CNTN4: variants seen among roughly 807,000 people sequenced by gnomAD.
CNTN4 encodes contactin-4.
A neutral mutation model predicts 122.5 loss-of-function variants in CNTN4; 77 were observed. The observed-to-expected ratio is 0.63, with a 90% CI of 0.52 to 0.76. The LOEUF (loss-of-function observed/expected upper bound fraction) is 0.76. Among genes scored for constraint, CNTN4 ranks in the 30% least tolerant of loss-of-function variants. The probability of loss-of-function intolerance (pLI) is 0.00; values close to 1 mark genes in which losing one functional copy is unlikely to be tolerated. For missense variants in CNTN4, 1,256 were observed against 1,259.1 expected (o/e 1.00, Z 0.04); for synonymous variants, 512 against 447.0 (o/e 1.15, Z -1.83).
intron 6 of CNTN4, among the ~76,000 whole-genome samples, chr3:2,756,035 G>T (rs1037092707): frequency 6.6e-6 from 1 of 152,130 alleles, no homozygotes; most frequent in African/African-American, 2.4e-5. Flanking sequence ...GGAAAAGGGA[G>T]ACCACTTTCT....
intron 3 of CNTN4, among the ~76,000 whole-genome samples, chr3:2,379,494 T>C (rs561577431): frequency 1.3e-5 from 2 of 152,332 alleles, no homozygotes; most frequent in South Asian, 4.1e-4. Flanking sequence ...ATGAAGATAT[T>C]GCATCCGGAG....
rs2046191917 is a variant in CNTN4, at chr3:2,385,002, T to C, written c.-89+45769T>C. Among the ~76,000 whole-genome samples, 1 of 152,184 alleles carries C rather than the reference T, an allele frequency of 6.6e-6. No individual in the cohort carries two copies. On this transcript the variant is annotated intron_variant, in intron 3 of 24. Transcript: ENST00000418658. The surrounding 1 kb of genome is among the most constrained non-coding windows in gnomAD (Gnocchi z 4.0). ...GAAAGTCATTGTTGGTTTTACTGCC[T>C]CCATTCAGATCCTCCTTTTCTCTCT...
chr3:2,326,071 C>A (rs1261822688), intron 2 of CNTN4, among the ~76,000 whole-genome samples: 2 of 152,094 alleles, frequency 1.3e-5, no homozygotes, highest in African/African-American at 2.4e-5. Flanking sequence ...CTGGGTATTT[C>A]TGTGAGGATG....
intron 6 of CNTN4, among the ~76,000 whole-genome samples, chr3:2,778,170 C>T (rs6797480): frequency 5.0e-5 from 7 of 140,248 alleles, no homozygotes; most frequent in South Asian, 2.5e-4. Context: ...GCCGAGATCG[C>T]GCCACTGCAC....
At chr3:2,330,103 G>A (rs2043656158) in intron 2 of CNTN4, among the ~76,000 whole-genome samples, 1 of 152,176 alleles carries the variant, frequency 6.6e-6, no homozygotes, top group Non-Finnish European at 1.5e-5. Flanking sequence ...AGATTCCCAT[G>A]ACCGCCTCCT....
At chr3:2,537,354 A>G (rs1022258331) in intron 3 of CNTN4, among the ~76,000 whole-genome samples, 2 of 152,078 alleles carry the variant, frequency 1.3e-5, no homozygotes, top group African/African-American at 4.8e-5. Flanking sequence ...ATAACTGAAT[A>G]TAGACTCCAA....
chr3:2,626,333 A>C (rs1033851917), intron 4 of CNTN4, among the ~76,000 whole-genome samples: 2 of 152,058 alleles, frequency 1.3e-5, no homozygotes, highest in Admixed American at 1.3e-4. Flanking sequence ...CTCTACTAAA[A>C]ATACGAAAAA....
chr3:2,706,043 CACAA>C (rs1266233529), intron 4 of CNTN4, among the ~76,000 whole-genome samples: 4 of 141,632 alleles, frequency 2.8e-5, no homozygotes, highest in Middle Eastern at 4.4e-3. Flanking sequence ...TAGATAGACA[CACAA>C]ACATATATAT....
At chr3:2,306,027 A>T (rs367766358) in intron 2 of CNTN4, among the ~76,000 whole-genome samples, 1 of 152,190 alleles carries the variant, frequency 6.6e-6, no homozygotes, top group African/African-American at 2.4e-5. Context: ...TTGTTTATTC[A>T]TTCATCATTT....
At chr3:2,677,195 C>A (rs1417529542) in intron 4 of CNTN4, among the ~76,000 whole-genome samples, 4 of 146,182 alleles carry the variant, frequency 2.7e-5, no homozygotes, top group African/African-American at 1.0e-4. Context: ...ATAGATATAT[C>A]TCTCTCTATA....
At chr3:2,495,560 A>G (rs1395067458) in intron 3 of CNTN4, among the ~76,000 whole-genome samples, 2 of 152,216 alleles carry the variant, frequency 1.3e-5, no homozygotes, top group African/African-American at 4.8e-5. Flanking sequence ...GCTGCACAGC[A>G]GGAGATGAGC....
chr3:2,249,923 T>C (rs1032877204), intron 2 of CNTN4, among the ~76,000 whole-genome samples: 4 of 151,878 alleles, frequency 2.6e-5, no homozygotes, highest in Non-Finnish European at 5.9e-5. Context: ...TTTGAATACT[T>C]TTCATTTCCT....
chr3:2,663,421 T>C (rs561964279), intron 4 of CNTN4, among the ~76,000 whole-genome samples: 1 of 152,170 alleles, frequency 6.6e-6, no homozygotes, highest in Non-Finnish European at 1.5e-5. Context: ...TTCCTGGGCA[T>C]GTCTGGCTAG....
intron 3 of CNTN4, chr3:2,362,621 G>T (rs1302767911): frequency 2.1e-6 from 1 of 475,150 alleles, no homozygotes; most frequent in Middle Eastern, 3.8e-4. Flanking sequence ...AGATAGCAAG[G>T]GCTGAGGGCC....
intron 4 of CNTN4, among the ~76,000 whole-genome samples, chr3:2,595,413 G>A (rs2080722000): frequency 6.6e-6 from 1 of 152,162 alleles, no homozygotes; most frequent in South Asian, 2.1e-4. Context: ...ATTTACATAT[G>A]TCAAGATTTA....
intron 6 of CNTN4, among the ~76,000 whole-genome samples, chr3:2,808,520 T>A (rs2150120820): frequency 6.6e-6 from 1 of 152,160 alleles, no homozygotes; most frequent in Admixed American, 6.6e-5. Context: ...AGTTATAAAA[T>A]TATCACACTA....
chr3:2,362,467 G>T (rs905100953), intron 3 of CNTN4: 5 of 456,992 alleles, frequency 1.1e-5, no homozygotes, highest in Admixed American at 5.4e-5. Context: ...CCTATATGAG[G>T]ACTAGCAGTG....
chr3:2,371,415 C>G (rs1258095275), intron 3 of CNTN4, among the ~76,000 whole-genome samples: 2 of 151,878 alleles, frequency 1.3e-5, no homozygotes, highest in Non-Finnish European at 2.9e-5. Context: ...AATGCTCTGG[C>G]TAACTTTTGC....
At chr3:2,965,552 G>A (rs935191052) in intron 13 of CNTN4, among the ~76,000 whole-genome samples, 8 of 152,188 alleles carry the variant, frequency 5.3e-5, no homozygotes, top group African/African-American at 1.9e-4. Context: ...GACAGCATGT[G>A]CCTGGATCCT....
Sources: gnomAD v4.1 joint callset for allele counts (sites outside exome capture counted in the v4.1 genomes callset) on GRCh38, gnomAD v4.1.1 for gene constraint, Gnocchi (gnomAD v3.1) non-coding constraint, MANE v1.5 for transcripts, NCBI Gene and HGNC (gene_info 2026-07-23, HGNC 2026-07-21) for gene names.